The following FREM2 variants were observed in gnomAD, a reference collection of about 807,000 sequenced individuals.
FREM2 encodes FRAS1-related extracellular matrix protein 2.
A neutral mutation model predicts 219.9 loss-of-function variants in FREM2; 119 were observed. That is an observed-to-expected ratio of 0.54 (90% CI 0.47 to 0.63). FREM2 has a LOEUF of 0.63. Ranked by LOEUF, FREM2 falls within the 30% of genes least tolerant of loss-of-function variation. The probability of loss-of-function intolerance (pLI) is 0.00; values close to 1 mark genes in which losing one functional copy is unlikely to be tolerated. For synonymous variants in FREM2, 1,562 were observed against 1,522.8 expected, an observed-to-expected ratio of 1.03 and a Z score of -0.60; for missense variants, 4,030 against 3,993.6, an observed-to-expected ratio of 1.01 and a Z score of -0.25.
intron 2 of FREM2, among the ~76,000 whole-genome samples, chr13:38,753,038 C>A (rs1362153683): frequency 6.6e-6 from 1 of 152,166 alleles, no homozygotes. Context: ...GCAGTGCATG[C>A]ACGAAATCTT....
intron 2 of FREM2, among the ~76,000 whole-genome samples, chr13:38,712,532 G>GGTTC (rs999957364): frequency 5.3e-5 from 8 of 152,018 alleles, no homozygotes; most frequent in Non-Finnish European, 8.8e-5. Context: ...AAAGCATTTT[G>GGTTC]TACCCATTTC....
At chr13:38,864,755 T>A (rs1308032350) in intron 16 of FREM2, 149 bp downstream of exon 16, 1 of 724,244 alleles carries the variant, frequency 1.4e-6, no homozygotes, top group Non-Finnish European at 2.4e-6. Context: ...CTGGCATGGA[T>A]GGTGTGAAAA....
chr13:38,713,222 A>T (rs1214525987), intron 2 of FREM2, among the ~76,000 whole-genome samples: 1 of 152,080 alleles, frequency 6.6e-6, no homozygotes, highest in Non-Finnish European at 1.5e-5. Flanking sequence ...ATGAATGAGA[A>T]CTCTGGATTT....
At chr13:38,877,087 G>A (rs748213929) in intron 20 of FREM2, 30 bp from the exon 21 acceptor site, 3 of 1,613,298 alleles carry the variant, frequency 1.9e-6, no homozygotes, top group South Asian at 1.1e-5. Flanking sequence ...AACCACTGAT[G>A]CATAAAAGAA....
intron 10 of FREM2, among the ~76,000 whole-genome samples, chr13:38,851,449 A>G (rs924782296): frequency 2.6e-5 from 4 of 152,158 alleles, no homozygotes; most frequent in African/African-American, 9.7e-5. Context: ...TTTATGGCAC[A>G]TATAGAGAGC....
intron 2 of FREM2, among the ~76,000 whole-genome samples, chr13:38,723,266 T>TAAAAA (rs1871372357): frequency 1.3e-5 from 2 of 152,056 alleles, no homozygotes; most frequent in African/African-American, 4.8e-5. Flanking sequence ...AAAAATAAAA[T>TAAAAA]AAAACAGCTG....
At chr13:38,876,986 G>A (rs1878362125) in intron 20 of FREM2, 131 bp from the exon 21 acceptor site, 1 of 1,074,558 alleles carries the variant, frequency 9.3e-7, no homozygotes, top group South Asian at 1.3e-5. Flanking sequence ...AGTTAGCTTG[G>A]TAGGGTGTGA....
Position 38,861,490 on chromosome 13 carries a change from C to G in FREM2, c.7579C>G (p.Arg2527Gly), listed in dbSNP as rs963299361. Reference protein sequence around the residue: ...VGAEPFSAKLRYTGPEDADYT... With the variant: ...VGAEPFSAKLGYTGPEDADYT... ...AGCAGAGCCGTTCTCAGCTAAATTG[C>G]GCTACACAGGCCCTGAGGATGCAGA... Residue 2527 changes from arginine (R) to glycine (G), a missense_variant, in exon 15 of 24, where the codon CGC becomes GGC. Coordinates refer to ENST00000280481, the MANE Select transcript of FREM2 (RefSeq NM_207361.6). 1 of 1,608,476 alleles carries G rather than the reference C, an allele frequency of 6.2e-7. No individual in the cohort carries two copies. The highest frequency in any genetic ancestry group is 8.5e-7 in the Non-Finnish European group (1 of 1,176,448).
At chr13:38,778,293 A>G (rs1873958623) in intron 4 of FREM2, among the ~76,000 whole-genome samples, 1 of 152,176 alleles carries the variant, frequency 6.6e-6, no homozygotes, top group Non-Finnish European at 1.5e-5. Flanking sequence ...TGGAGAATCC[A>G]AGACTGGGGT....
At chr13:38,836,197 A>C (rs747266170) in intron 6 of FREM2, among the ~76,000 whole-genome samples, 52 of 152,178 alleles carry the variant, frequency 3.4e-4, no homozygotes, top group Non-Finnish European at 5.1e-4. Context: ...CTATTGAGAT[A>C]ATTATGTGGT....
chr13:38,784,061 T>A (rs918993690), intron 5 of FREM2, among the ~76,000 whole-genome samples: 3 of 152,232 alleles, frequency 2.0e-5, no homozygotes, highest in African/African-American at 7.2e-5. Flanking sequence ...ATCACGCCAT[T>A]GCATTCCGGC....
intron 4 of FREM2, among the ~76,000 whole-genome samples, chr13:38,775,182 C>T (rs554872584): frequency 6.6e-6 from 1 of 152,278 alleles, no homozygotes; most frequent in East Asian, 1.9e-4. Flanking sequence ...AGGCTGACTA[C>T]AATATGAAAC....
At chr13:38,749,598 G>A (rs1872643027) in intron 2 of FREM2, among the ~76,000 whole-genome samples, 1 of 151,974 alleles carries the variant, frequency 6.6e-6, no homozygotes, top group African/African-American at 2.4e-5. Flanking sequence ...TGGGTGGGAG[G>A]GTCTGACTGT....
intron 6 of FREM2, among the ~76,000 whole-genome samples, chr13:38,845,769 A>T (rs1877128504): frequency 6.6e-6 from 1 of 152,152 alleles, no homozygotes; most frequent in Admixed American, 6.5e-5. Context: ...GCTCTATCAC[A>T]AGGTAAACCA....
intron 22 of FREM2, 45 bp from the exon 23 acceptor site, chr13:38,878,786 C>T (rs750562253): frequency 6.3e-6 from 10 of 1,588,060 alleles, no homozygotes; most frequent in South Asian, 4.4e-5. Flanking sequence ...TGGCAAAAGC[C>T]GTGGCATTAT....
chr13:38,694,385 A>T (rs1193175403), intron 1 of FREM2, among the ~76,000 whole-genome samples: 2 of 152,238 alleles, frequency 1.3e-5, no homozygotes, highest in Non-Finnish European at 2.9e-5. Flanking sequence ...CATGGCACTC[A>T]TTCAAACAAG....
At chr13:38,877,961 C>G (rs1276576529) in intron 21 of FREM2, among the ~76,000 whole-genome samples, 173 bp from the exon 22 acceptor site, 7 of 152,130 alleles carry the variant, frequency 4.6e-5, no homozygotes, top group Non-Finnish European at 1.0e-4. Context: ...TTACCTGAGG[C>G]CTGAGAATGT....
intron 6 of FREM2, among the ~76,000 whole-genome samples, chr13:38,826,095 C>T (rs1021069655): frequency 1.3e-5 from 2 of 152,048 alleles, no homozygotes; most frequent in Non-Finnish European, 2.9e-5. Flanking sequence ...AGAGGAAGCA[C>T]CTACTATCCT....
chr13:38,690,891 A>T lies in FREM2; in HGVS notation c.3547A>T (p.Ile1183Phe), dbSNP rs745645687. 6.2e-7 allele frequency: 1 copy of T among 1,614,120 alleles called. No individual in the cohort carries two copies. The highest frequency in any genetic ancestry group is 1.7e-5 in the Admixed American group (1 of 60,028). ...AGAGAGACAGTTCTTCCCCATTGTA[A>T]TCATTCCCACCAATGATGAACAGCC... Reference protein sequence around the residue: ...FSERQFFPIVIIPTNDEQPEM... With the variant: ...FSERQFFPIVFIPTNDEQPEM... Residue 1183 changes from isoleucine (I) to phenylalanine (F), a missense_variant, in exon 1 of 24, where the codon ATC (isoleucine) becomes TTC (phenylalanine). Transcript: ENST00000280481.
Sources: gnomAD v4.1 joint callset for allele counts (sites outside exome capture counted in the v4.1 genomes callset) on GRCh38, gnomAD v4.1.1 for gene constraint, MANE v1.5 for transcripts, NCBI Gene and HGNC (gene_info 2026-07-23, HGNC 2026-07-21) for gene names.